CEP112: variants seen among roughly 807,000 people sequenced by gnomAD.
The protein encoded by CEP112 is centrosomal protein of 112 kDa.
A neutral mutation model predicts 153.0 loss-of-function variants in CEP112; 127 were observed. That is an observed-to-expected ratio of 0.83 (90% CI 0.72 to 0.96). CEP112 has a LOEUF of 0.96. Ranked by LOEUF, CEP112 falls within the 40% of genes least tolerant of loss-of-function variation. The pLI is 0.00. For missense variants in CEP112, 1,089 were observed against 1,101.2 expected (o/e 0.99, Z 0.16); for synonymous variants, 358 against 374.4 (o/e 0.96, Z 0.51).
At chr17:65,706,871 C>T (rs1203061064) in intron 23 of CEP112, among the ~76,000 whole-genome samples, 1 of 152,194 alleles carries the variant, frequency 6.6e-6, no homozygotes, top group African/African-American at 2.4e-5. Context: ...CAATATTCCG[C>T]ATCATCTTCA....
chr17:65,669,858 G>A (rs1034715602), intron 24 of CEP112, among the ~76,000 whole-genome samples: 11 of 151,010 alleles, frequency 7.3e-5, no homozygotes, highest in South Asian at 4.2e-4. Context: ...AGCCGAGATC[G>A]CGCCACTGCA....
intron 12 of CEP112, among the ~76,000 whole-genome samples, chr17:66,030,507 T>C (rs1022115524): frequency 6.6e-6 from 1 of 152,210 alleles, no homozygotes; most frequent in Admixed American, 6.5e-5. Flanking sequence ...TTCACATAAG[T>C]GATACACTTA....
Position 65,685,882 on chromosome 17 carries a change from A to G in CEP112, c.2697+3247T>C, listed in dbSNP as rs532946522. ...GAGACAGGATTTCACCATGTTGGAC[A>G]GGCTGGTCTCAAACTCCTAACCTCA... is the stretch of plus-strand genomic sequence containing the variant. On this transcript the variant is annotated intron_variant, in intron 24 of 26. Coordinates refer to ENST00000535342, the MANE Select transcript of CEP112 (RefSeq NM_001199165.4). Among the ~76,000 whole-genome samples, 428 of 152,116 alleles carry G rather than the reference A, an allele frequency of 2.8e-3. 1 individual carries two copies. The highest frequency in any genetic ancestry group is 0.01 in the Middle Eastern group (3 of 294).
chr17:65,968,478 GAT>G (rs1485850931), intron 17 of CEP112, among the ~76,000 whole-genome samples: 4 of 152,036 alleles, frequency 2.6e-5, no homozygotes, highest in African/African-American at 9.7e-5. Context: ...CATTATAGAT[GAT>G]TTCTAAGTGA....
At chr17:65,873,446 A>C (rs2058728006) in intron 20 of CEP112, 3 of 152,094 alleles carry the variant, frequency 2.0e-5, no homozygotes. Flanking sequence ...GACTTACTTG[A>C]GTTTCTGACC....
At chr17:66,090,335 G>C (rs545664714) in intron 8 of CEP112, among the ~76,000 whole-genome samples, 1 of 151,900 alleles carries the variant, frequency 6.6e-6, no homozygotes, top group South Asian at 2.1e-4. Context: ...TTAGTATGAA[G>C]ATATTATATT....
In CEP112 at chr17:65,767,474, A is replaced by G. The variant is rs544604217; in HGVS notation, c.2395-16750T>C. 6.6e-5 allele frequency among the ~76,000 whole-genome samples: 10 copies of G among 152,166 alleles called. No individual in the cohort carries two copies. In the East Asian group the frequency reaches 1.9e-3, roughly 29 times the overall value. ...ATAGCCTAACATTAAGCCTCACAGAATTAGAAAATGAACAAATTAAACCCA... is the reference window on the plus strand; with the variant it reads ...ATAGCCTAACATTAAGCCTCACAGAGTTAGAAAATGAACAAATTAAACCCA... On this transcript the variant is annotated intron_variant, in intron 21 of 26. Transcript: ENST00000535342.
At chr17:65,710,796 C>T (rs1242371063) in intron 23 of CEP112, among the ~76,000 whole-genome samples, 2 of 152,182 alleles carry the variant, frequency 1.3e-5, no homozygotes, top group African/African-American at 4.8e-5. Flanking sequence ...CATCCAGGTC[C>T]CAGCTTACTC....
Position 65,689,142 on chromosome 17 carries a change from T to G in CEP112, c.2684A>C (p.Glu895Ala), listed in dbSNP as rs950016636. 6 of 1,610,786 alleles carry G rather than the reference T, an allele frequency of 3.7e-6. No homozygotes were observed. The highest frequency in any genetic ancestry group is 1.7e-4 in the Middle Eastern group (1 of 6,054). The change falls in exon 24 of 27, where the codon GAG becomes GCG. Residue 895 changes from glutamate (E) to alanine (A), a missense_variant. Transcript: ENST00000535342. ...AEKKLQHKELESQEQITYIRQ... is the reference protein window; with the variant it reads ...AEKKLQHKELASQEQITYIRQ... Reference sequence around the variant, plus strand: ...AGGAGAGGGTACCTGTTCCTGTGACTCCAATTCTTTGTGTTGTAATTTTTT... The same window carrying G: ...AGGAGAGGGTACCTGTTCCTGTGACGCCAATTCTTTGTGTTGTAATTTTTT...
chr17:65,879,617 C>A (rs2058982326), intron 20 of CEP112, among the ~76,000 whole-genome samples: 1 of 151,644 alleles, frequency 6.6e-6, no homozygotes, highest in Admixed American at 6.6e-5. Flanking sequence ...AACAGAAAAA[C>A]CAACCCTGAA....
intron 21 of CEP112, among the ~76,000 whole-genome samples, chr17:65,811,361 T>C (rs2055941604): frequency 1.3e-5 from 2 of 152,118 alleles, no homozygotes; most frequent in Admixed American, 1.3e-4. Flanking sequence ...CGATTGTAAG[T>C]CCCACAGGGC....
chr17:65,817,217 G>A (rs999682643), intron 21 of CEP112, among the ~76,000 whole-genome samples: 1 of 151,820 alleles, frequency 6.6e-6, no homozygotes, highest in Non-Finnish European at 1.5e-5. Flanking sequence ...GGTATAAGGA[G>A]ATTGCTACTT....
At chr17:65,821,842 G>A (rs765296107) in intron 21 of CEP112, among the ~76,000 whole-genome samples, 44 of 151,412 alleles carry the variant, frequency 2.9e-4, no homozygotes, top group Non-Finnish European at 5.6e-4. Context: ...ATGAGCCACC[G>A]TGCCTGGCCT....
chr17:66,128,954 T>G (rs2146515365), intron 6 of CEP112, among the ~76,000 whole-genome samples: 1 of 152,284 alleles, frequency 6.6e-6, no homozygotes, highest in South Asian at 2.1e-4. Context: ...TCTCTGTTGA[T>G]TTTTATTCCT....
chr17:65,841,919 C>T (rs2057534702), intron 21 of CEP112, among the ~76,000 whole-genome samples: 1 of 151,756 alleles, frequency 6.6e-6, no homozygotes, highest in Non-Finnish European at 1.5e-5. Context: ...CACACACACA[C>T]ACACACGAGA....
chr17:66,049,725 G>A (rs894252461), intron 12 of CEP112, among the ~76,000 whole-genome samples: 10 of 152,076 alleles, frequency 6.6e-5, no homozygotes, highest in African/African-American at 2.2e-4. Context: ...CACTACATCT[G>A]GGCGACAGAG....
At chr17:65,686,113 CTT>C (rs35816434) in intron 24 of CEP112, among the ~76,000 whole-genome samples, 3,550 of 104,118 alleles carry the variant, frequency 0.034, 57 homozygotes, top group African/African-American at 0.077. Context: ...AAACAACTGG[CTT>C]TTTTTTTTTT....
intron 21 of CEP112, chr17:65,797,286 C>A (rs1336588564): frequency 6.6e-6 from 1 of 152,242 alleles, no homozygotes; most frequent in Non-Finnish European, 1.5e-5. Context: ...TGTTGATATT[C>A]ATCTGCAAAG....
intron 1 of CEP112, among the ~76,000 whole-genome samples, chr17:66,186,194 A>G (rs930580051): frequency 2.0e-5 from 3 of 152,052 alleles, no homozygotes; most frequent in Non-Finnish European, 4.4e-5. Context: ...ATGAGGCTCA[A>G]CGCTCCAACC....
Sources: gnomAD v4.1 joint callset for allele counts (sites outside exome capture counted in the v4.1 genomes callset) on GRCh38, gnomAD v4.1.1 for gene constraint, MANE v1.5 for transcripts, NCBI Gene and HGNC (gene_info 2026-07-23, HGNC 2026-07-21) for gene names.